CGGBP1: variants seen among roughly 807,000 people sequenced by gnomAD.
CGGBP1 encodes CGG triplet repeat-binding protein 1.
CGGBP1 carries 4 observed loss-of-function variants against 11.4 expected under a neutral mutation model. That is an observed-to-expected ratio of 0.35 (90% CI 0.17 to 0.80). The LOEUF is 0.80. Among genes scored for constraint, CGGBP1 ranks in the 30% least tolerant of loss-of-function variants. The pLI, the probability that CGGBP1 is intolerant of heterozygous loss-of-function variation, is 0.52. For missense variants in CGGBP1, 135 were observed against 202.1 expected, an observed-to-expected ratio of 0.67 and a Z score of 2.01; for synonymous variants, 76 against 74.1, an observed-to-expected ratio of 1.03 and a Z score of -0.13.
intron 2 of CGGBP1, among the ~76,000 whole-genome samples, chr3:88,130,646 G>A (rs1200874647): frequency 2.8e-5 from 4 of 140,916 alleles, no homozygotes; most frequent in African/African-American, 1.0e-4. Flanking sequence ...GGTAGAGATG[G>A]GGATTCATTG....
chr3:88,099,182 A>G (rs904844619), intron 2 of CGGBP1, among the ~76,000 whole-genome samples: 3 of 152,200 alleles, frequency 2.0e-5, no homozygotes, highest in East Asian at 3.8e-4. Context: ...GCATTCCTCT[A>G]CACCAATAAC....
intron 2 of CGGBP1, among the ~76,000 whole-genome samples, chr3:88,069,994 A>T (rs1047119190): frequency 2.6e-5 from 4 of 152,188 alleles, no homozygotes; most frequent in Admixed American, 2.6e-4. Flanking sequence ...TCGTACTGTC[A>T]TTTGACAAAT....
chr3:88,065,800 C>T (rs1170256180), intron 2 of CGGBP1, among the ~76,000 whole-genome samples: 2 of 152,216 alleles, frequency 1.3e-5, no homozygotes, highest in South Asian at 4.1e-4. Context: ...CATCTAGGCT[C>T]ACTGCAACCT....
chr3:88,094,771 A>C (rs1376246244), intron 2 of CGGBP1, among the ~76,000 whole-genome samples: 2 of 152,106 alleles, frequency 1.3e-5, no homozygotes, highest in African/African-American at 4.8e-5. Context: ...TCATTAAAAA[A>C]CTACAGAGCT....
At chr3:88,085,920 TCTA>T (rs1293554564) in intron 2 of CGGBP1, among the ~76,000 whole-genome samples, 1 of 152,218 alleles carries the variant, frequency 6.6e-6, no homozygotes, top group Non-Finnish European at 1.5e-5. Context: ...ATTACTATAT[TCTA>T]CTCTCCAGCT....
chr3:88,131,341 C>T (rs1284350545), intron 2 of CGGBP1, among the ~76,000 whole-genome samples: 1 of 152,128 alleles, frequency 6.6e-6, no homozygotes, highest in Non-Finnish European at 1.5e-5. Flanking sequence ...GAAGTATTAT[C>T]ATTTTTTGAC....
chr3:88,084,628 C>T (rs1708245410), intron 2 of CGGBP1, among the ~76,000 whole-genome samples: 1 of 152,072 alleles, frequency 6.6e-6, no homozygotes, highest in Non-Finnish European at 1.5e-5. Flanking sequence ...TGTGTGAGTA[C>T]CTGGTACTGC....
At position 88,053,717 on chromosome 3, in the gene CGGBP1, TTAGA is replaced by T. The variant is rs571968570; in HGVS notation, c.*1752_*1755del. On this transcript the variant is annotated 3_prime_UTR_variant, in exon 4 of 4. Transcript: ENST00000482016. ...TTCCTAGCTTCTAAAATCTACCATC[TTAGA>T]TAGTTCAAATTAAACATGGTTGCCT... 3.1e-4 allele frequency: 48 copies of T among 152,700 alleles called. No individual in the cohort carries two copies. Among genetic ancestry groups the T allele is most frequent in the Admixed American group, 2.1e-3 (32 of 15,300 alleles). The allele number at this position is 152,700 out of a possible 1,614,324, so 9.5% of individuals were successfully genotyped here. A position where few individuals can be genotyped will look rare whatever the true frequency, so the allele number is the denominator to read the frequency against.
intron 2 of CGGBP1, among the ~76,000 whole-genome samples, chr3:88,068,115 G>A (rs1224616114): frequency 2.0e-5 from 3 of 151,888 alleles, no homozygotes; most frequent in Non-Finnish European, 4.4e-5. Context: ...GGAGGTGGTT[G>A]GTAGCTGATT....
In CGGBP1 at chr3:88,055,563, G is replaced by A; in HGVS notation, c.414C>T (p.Gly138=). 3 of 1,608,574 alleles carry A rather than the reference G, an allele frequency of 1.9e-6. No homozygotes were observed. Among genetic ancestry groups the A allele is most frequent in the Non-Finnish European group, 2.6e-6 (3 of 1,175,798 alleles). ...GTAGCTGGTCTGACTTAGGTATGGA[G>A]CCTCCATTCTTCACATGGCGAGATA... The part of the protein sequence containing the change: ...AFLSRHVKNG[G]SIPKSDQLRR... Residue 138 remains glycine (G), a synonymous_variant, in exon 4 of 4, where the codon GGC becomes GGT. Coordinates refer to ENST00000482016, the MANE Select transcript of CGGBP1 (RefSeq NM_001008390.2). This position sits in a 1 kb window ranked among gnomAD's most constrained non-coding sequence, Gnocchi z 4.2.
rs67079285 is a variant in CGGBP1 at position 88,070,563 on chromosome 3, GTTT to G, written c.-228-12343_-228-12341del. On this transcript the variant is annotated intron_variant, in intron 2 of 3. Transcript: ENST00000462901. ...CACTGTGGCAAAGGCAACACTGCCT[GTTT>G]TTTTTTTTTTTTTTTTTTTTTTTGC... 5.4e-3 allele frequency among the ~76,000 whole-genome samples: 597 copies of G among 111,202 alleles called. 4 individuals are homozygous for G. Among genetic ancestry groups the G allele is most frequent in the African/African-American group, 0.023 (563 of 24,042 alleles). The allele number at this position is 111,202 out of a possible 152,430, so 73.0% of individuals were successfully genotyped here.
intron 1 of CGGBP1, among the ~76,000 whole-genome samples, chr3:88,149,328 T>C (rs1372159745): frequency 6.6e-6 from 1 of 152,230 alleles, no homozygotes; most frequent in East Asian, 1.9e-4. Context: ...AGTAAAACCC[T>C]GGCAATCTGG....
intron 2 of CGGBP1, among the ~76,000 whole-genome samples, chr3:88,064,457 A>T (rs1289048979): frequency 6.6e-6 from 1 of 152,014 alleles, no homozygotes; most frequent in Admixed American, 6.5e-5. Context: ...GTTAGTTGCC[A>T]TTGTTTTGTT....
chr3:88,067,986 T>C (rs1707296663), intron 2 of CGGBP1, among the ~76,000 whole-genome samples: 1 of 152,042 alleles, frequency 6.6e-6, no homozygotes, highest in African/African-American at 2.4e-5. Flanking sequence ...AAGAAGGGAT[T>C]ATCTATATTA....
chr3:88,120,306 A>G (rs1173819690), intron 2 of CGGBP1, among the ~76,000 whole-genome samples: 1 of 152,156 alleles, frequency 6.6e-6, no homozygotes, highest in Non-Finnish European at 1.5e-5. Flanking sequence ...AAATATGCTT[A>G]TATGTTTACA....
intron 2 of CGGBP1, chr3:88,135,392 T>C: frequency 2.6e-6 from 1 of 387,984 alleles, no homozygotes; most frequent in Non-Finnish European, 4.5e-6. Flanking sequence ...GATTTATTGT[T>C]ACTTAAAATT....
chr3:88,130,510 G>GGT (rs986288538), intron 2 of CGGBP1, among the ~76,000 whole-genome samples: 3 of 151,978 alleles, frequency 2.0e-5, no homozygotes, highest in African/African-American at 7.2e-5. Flanking sequence ...AGAATACAGT[G>GGT]GTGCGATCAT....
intron 2 of CGGBP1, among the ~76,000 whole-genome samples, chr3:88,134,569 G>A (rs1234417933): frequency 6.6e-6 from 1 of 152,072 alleles, no homozygotes; most frequent in Non-Finnish European, 1.5e-5. Context: ...TTAAAAGTAC[G>A]ATATCTGAAA....
At chr3:88,100,775 A>C (rs1489198896) in intron 2 of CGGBP1, among the ~76,000 whole-genome samples, 1 of 152,090 alleles carries the variant, frequency 6.6e-6, no homozygotes, top group Non-Finnish European at 1.5e-5. Flanking sequence ...ACACTTGGAC[A>C]CAGGAAGGGG....
Sources: allele counts gnomAD v4.1 joint callset (sites outside exome capture counted in the v4.1 genomes callset), GRCh38; gene constraint gnomAD v4.1.1; non-coding constraint Gnocchi (gnomAD v3.1); transcripts MANE v1.5; gene names NCBI Gene and HGNC (gene_info 2026-07-23, HGNC 2026-07-21).